SPATA16: variants seen among roughly 807,000 people sequenced by gnomAD.
SPATA16 encodes spermatogenesis-associated protein 16.
A neutral mutation model predicts 63.3 loss-of-function variants in SPATA16; 36 were observed. That is an observed-to-expected ratio of 0.57 (90% CI 0.44 to 0.75). The LOEUF is 0.75. Ranked by LOEUF, SPATA16 falls within the 30% of genes least tolerant of loss-of-function variation. The pLI, the probability that SPATA16 is intolerant of heterozygous loss-of-function variation, is 0.00. For missense variants in SPATA16, 646 were observed against 679.3 expected (o/e 0.95, Z 0.54); for synonymous variants, 203 against 216.7 (o/e 0.94, Z 0.56).
intron 4 of SPATA16, among the ~76,000 whole-genome samples, chr3:173,010,465 T>C (rs1223207149): frequency 6.6e-6 from 1 of 151,586 alleles, no homozygotes; most frequent in Non-Finnish European, 1.5e-5. Context: ...TGTGTGTGTG[T>C]GTGTGTTTGT....
chr3:173,019,485 C>T lies in SPATA16; in HGVS notation c.848+1G>A. ...CCTCACAAAAGTTAAAACAAACATA[C>T]CGGGCAGCCTCTGAATACCTCTCCA... On this transcript the variant is annotated splice_donor_variant, in intron 4 of 10. Transcript: ENST00000351008. LOFTEE classifies it high-confidence loss of function. 6.2e-7 allele frequency: 1 copy of T among 1,613,044 alleles called. No homozygotes were observed. Among genetic ancestry groups the T allele is most frequent in the Non-Finnish European group, 8.5e-7 (1 of 1,179,164 alleles).
intron 1 of SPATA16, among the ~76,000 whole-genome samples, chr3:173,132,918 C>T (rs1577192224): frequency 2.0e-5 from 3 of 152,122 alleles, no homozygotes; most frequent in Non-Finnish European, 2.9e-5. Flanking sequence ...ACCCCCAACT[C>T]AGAGACCAAG....
chr3:173,132,556 G>A (rs1319849525), intron 1 of SPATA16, among the ~76,000 whole-genome samples: 2 of 152,092 alleles, frequency 1.3e-5, no homozygotes, highest in African/African-American at 2.4e-5. Context: ...AAAAAGAATG[G>A]CAACAATGAT....
chr3:172,960,173 T>C (rs1217191042), intron 5 of SPATA16, among the ~76,000 whole-genome samples: 1 of 152,214 alleles, frequency 6.6e-6, no homozygotes, highest in African/African-American at 2.4e-5. Flanking sequence ...AAGGAAATGC[T>C]GGTTGTAAAA....
rs766377512 is a variant in SPATA16, at chr3:173,049,085, T to G, written c.622A>C (p.Lys208Gln). ...AATGGTTCTCCCAGAACTGCTCCTT[T>G]GCTGCAAAGCTTTAAAAAATATAGT... is the stretch of plus-strand genomic sequence containing the variant. Reference protein sequence around the residue: ...QFRTALELCSKGAVLGEPFDA... With the variant: ...QFRTALELCSQGAVLGEPFDA... The change falls in exon 3 of 11, where the codon AAA (lysine) becomes CAA (glutamine). Residue 208 changes from lysine (K) to glutamine (Q), a missense_variant. Lys to Gln is a moderately conservative substitution (Grantham distance 53). Transcript: ENST00000351008. 2 of 1,612,972 alleles carry G rather than the reference T, an allele frequency of 1.2e-6. No individual in the cohort carries two copies. The highest frequency in any genetic ancestry group is 3.3e-5 in the Admixed American group (2 of 59,906).
chr3:173,044,239 C>G (rs1160376488), intron 3 of SPATA16, among the ~76,000 whole-genome samples: 6 of 151,890 alleles, frequency 4.0e-5, no homozygotes, highest in Non-Finnish European at 8.8e-5. Flanking sequence ...TGTTACTATC[C>G]CTGAGGACAG....
chr3:172,963,356 A>AAAC (rs1323831445), intron 5 of SPATA16, among the ~76,000 whole-genome samples: 1 of 152,098 alleles, frequency 6.6e-6, no homozygotes, highest in African/African-American at 2.4e-5. Context: ...AAAATTGCAT[A>AAAC]AACAGGTTAC....
chr3:172,931,173 T>A (rs922579234), intron 6 of SPATA16, among the ~76,000 whole-genome samples: 7 of 152,196 alleles, frequency 4.6e-5, no homozygotes, highest in Non-Finnish European at 7.3e-5. Context: ...ATCTCCTGTT[T>A]CATAGGGGCA....
chr3:173,129,230 G>C (rs1010869370), intron 1 of SPATA16, among the ~76,000 whole-genome samples: 4 of 152,152 alleles, frequency 2.6e-5, no homozygotes, highest in Non-Finnish European at 4.4e-5. Flanking sequence ...TTTTTCTTGG[G>C]AGGACGTTCC....
chr3:172,997,773 G>A (rs966521710), intron 4 of SPATA16, among the ~76,000 whole-genome samples: 9 of 151,974 alleles, frequency 5.9e-5, no homozygotes, highest in Middle Eastern at 3.2e-3. Context: ...ACAATTTTTC[G>A]TAAAGGATGT....
intron 4 of SPATA16, among the ~76,000 whole-genome samples, chr3:173,014,128 C>T (rs568369274): frequency 6.6e-6 from 1 of 152,184 alleles, no homozygotes; most frequent in African/African-American, 2.4e-5. Context: ...AAGACACATA[C>T]ACTTGTATGT....
chr3:173,054,346 A>G (rs1222131500), intron 2 of SPATA16, among the ~76,000 whole-genome samples: 1 of 152,204 alleles, frequency 6.6e-6, no homozygotes, highest in Non-Finnish European at 1.5e-5. Context: ...TATGTTTATT[A>G]TAGCACAATT....
chr3:172,955,380 C>T (rs1360139595), intron 6 of SPATA16, among the ~76,000 whole-genome samples: 1 of 152,106 alleles, frequency 6.6e-6, no homozygotes, highest in African/African-American at 2.4e-5. Flanking sequence ...CTAGCATACA[C>T]CCTCCAAAAA....
intron 4 of SPATA16, among the ~76,000 whole-genome samples, chr3:172,984,965 A>AATT (rs1734411510): frequency 6.6e-6 from 1 of 152,214 alleles, no homozygotes; most frequent in Non-Finnish European, 1.5e-5. Context: ...TAAGGAAGTT[A>AATT]ATTTTCCAAA....
chr3:172,948,212 A>T (rs1733338786), intron 6 of SPATA16, among the ~76,000 whole-genome samples: 1 of 152,218 alleles, frequency 6.6e-6, no homozygotes, highest in South Asian at 2.1e-4. Flanking sequence ...GCCATGGATA[A>T]ATAAACGATT....
At chr3:173,102,937 C>T (rs1348019862) in intron 2 of SPATA16, among the ~76,000 whole-genome samples, 1 of 152,288 alleles carries the variant, frequency 6.6e-6, no homozygotes, top group Admixed American at 6.5e-5. Flanking sequence ...AATGGAGGTA[C>T]AGACACTGGG....
chr3:172,980,813 C>T (rs926161696), intron 4 of SPATA16, among the ~76,000 whole-genome samples: 6 of 152,178 alleles, frequency 3.9e-5, no homozygotes, highest in Non-Finnish European at 8.8e-5. Context: ...GCTCCATGTC[C>T]TCCATTCCAA....
intron 2 of SPATA16, among the ~76,000 whole-genome samples, chr3:173,091,017 C>A (rs1737208543): frequency 6.6e-6 from 1 of 151,918 alleles, no homozygotes; most frequent in African/African-American, 2.4e-5. Flanking sequence ...AGGACATTGA[C>A]AACTCACCTT....
chr3:172,997,706 T>C (rs191576713), intron 4 of SPATA16, among the ~76,000 whole-genome samples: 34 of 152,264 alleles, frequency 2.2e-4, no homozygotes, highest in African/African-American at 7.9e-4. Context: ...TCCTATGTTA[T>C]CTCCTAGGAG....
Sources: gnomAD v4.1 joint callset for allele counts (sites outside exome capture counted in the v4.1 genomes callset) on GRCh38, gnomAD v4.1.1 for gene constraint, MANE v1.5 for transcripts, NCBI Gene and HGNC (gene_info 2026-07-23, HGNC 2026-07-21) for gene names.